MYH14: variants seen among roughly 807,000 people sequenced by gnomAD.
MYH14 encodes myosin heavy chain 14.
Under a neutral mutation model 255.5 loss-of-function variants are expected in MYH14, and 123 were observed. The ratio of observed to expected loss-of-function variants is 0.48; its 90% CI spans 0.42 to 0.56. The LOEUF is 0.56. MYH14 is among the 20% of genes least tolerant of loss of function. The pLI, the probability that MYH14 is intolerant of heterozygous loss-of-function variation, is 0.00. For missense variants in MYH14, 2,423 were observed against 2,802.3 expected, an observed-to-expected ratio of 0.86 and a Z score of 3.06; for synonymous variants, 1,095 against 1,161.2, an observed-to-expected ratio of 0.94 and a Z score of 1.16.
In MYH14 at chr19:50,272,079, A is replaced by G. The variant is rs926203051; in HGVS notation, c.3295+107A>G. ...AGTGGCTGTGTCTGCTAAATGGGAT[A>G]GGAAGGAAGGCTCAGGGCAGATTGA... On this transcript the variant is annotated intron_variant, in intron 26 of 42. Transcript: ENST00000642316. 4.9e-4 allele frequency: 709 copies of G among 1,461,292 alleles called. 3 individuals carry two copies. Among genetic ancestry groups the G allele is most frequent in the South Asian group, 4.4e-4 (35 of 79,380 alleles). The allele number at this position is 1,461,292 out of a possible 1,614,324, so 90.5% of individuals were successfully genotyped here.
In MYH14 at chr19:50,252,134, A is replaced by G. The variant is rs1419183295; in HGVS notation, c.1831-505A>G. Among the ~76,000 whole-genome samples, 1 of 152,178 alleles carries G rather than the reference A, an allele frequency of 6.6e-6. No individual in the cohort carries two copies. Among genetic ancestry groups the G allele is most frequent in the Non-Finnish European group, 1.5e-5 (1 of 68,024 alleles). ...CTCCCCCTGTACCCAGCCCTCTGCT[A>G]GGCCGTGAGTCAGACCTGGGCCCTG... On this transcript the variant is annotated intron_variant, in intron 15 of 42. Coordinates refer to ENST00000642316, the MANE Select transcript of MYH14 (RefSeq NM_001145809.2). The surrounding 1 kb of genome is among the most constrained non-coding windows in gnomAD (Gnocchi z 4.2).
At chr19:50,220,158 C>A (rs4801820) in intron 3 of MYH14, among the ~76,000 whole-genome samples, 76,442 of 151,954 alleles carry the variant, frequency 0.5, 22,008 homozygotes, top group Non-Finnish European at 0.64. Flanking sequence ...CCGTCCCGCA[C>A]CCCAGCCTCA....
At chr19:50,260,772 TGTGC>T in intron 20 of MYH14, 57 bp downstream of exon 20, 1 of 1,227,366 alleles carries the variant, frequency 8.1e-7, no homozygotes, top group Non-Finnish European at 1.2e-6. Flanking sequence ...CGTGCATGAG[TGTGC>T]GTGCATGTGT....
rs1002076652 is a variant in MYH14 at position 50,221,633 on chromosome 19, T to C, written c.563-1450T>C. Reference sequence around the variant, plus strand: ...CTGGGGATTATAGGTGGCGCCACCATGCCTGGCTAATTTTTGTATTTTTAG... The same window carrying C: ...CTGGGGATTATAGGTGGCGCCACCACGCCTGGCTAATTTTTGTATTTTTAG... On this transcript the variant is annotated intron_variant, in intron 3 of 42. Transcript: ENST00000642316. The surrounding 1 kb of genome is among the most constrained non-coding windows in gnomAD (Gnocchi z 5.3). Among the ~76,000 whole-genome samples the C allele has an allele frequency of 6.6e-6, 1 of 152,128 alleles. No individual in the cohort carries two copies. The highest frequency in any genetic ancestry group is 6.5e-5 in the Admixed American group (1 of 15,270).
intron 11 of MYH14, among the ~76,000 whole-genome samples, chr19:50,246,111 T>TCTTG (rs1555763862): frequency 4.7e-5 from 5 of 106,182 alleles, no homozygotes; most frequent in Non-Finnish European, 9.2e-5. Flanking sequence ...TCCCTTCCTT[T>TCTTG]CTTCCTTCCT....
Position 50,231,914 on chromosome 19 carries a change from C to G in MYH14, c.974-16C>G, listed in dbSNP as rs1210660703. ...CAGCCCACCTTTGACCTTGACCCCA[C>G]TCATTGTCCCTGCAGCCGACCTCCT... On this transcript the variant is annotated splice_polypyrimidine_tract_variant and intron_variant, in intron 9 of 42. Coordinates refer to ENST00000642316, the MANE Select transcript of MYH14 (RefSeq NM_001145809.2). 6.2e-7 allele frequency: 1 copy of G among 1,613,666 alleles called. No homozygotes were observed. The highest frequency in any genetic ancestry group is 1.1e-5 in the South Asian group (1 of 91,092).
At chr19:50,212,003 A>T (rs2032221270) in intron 2 of MYH14, among the ~76,000 whole-genome samples, 2 of 152,022 alleles carry the variant, frequency 1.3e-5, no homozygotes, top group South Asian at 4.2e-4. Context: ...AAACGAAACA[A>T]TACAAAAACC....
At chr19:50,257,681 A>G (rs148790968) in intron 18 of MYH14, among the ~76,000 whole-genome samples, 195 bp downstream of exon 18, 1 of 152,346 alleles carries the variant, frequency 6.6e-6, no homozygotes, top group Non-Finnish European at 1.5e-5. Flanking sequence ...TGTATTAAGC[A>G]TCTACTGTGC....
rs1161590127 is a variant in MYH14 at position 50,293,899 on chromosome 19, A to G, written c.5469+212A>G. Among the ~76,000 whole-genome samples, 1 of 152,172 alleles carries G rather than the reference A, an allele frequency of 6.6e-6. No individual in the cohort carries two copies. Among genetic ancestry groups the G allele is most frequent in the Non-Finnish European group, 1.5e-5 (1 of 68,022 alleles). On this transcript the variant is annotated intron_variant, in intron 39 of 42. Coordinates refer to ENST00000642316, the MANE Select transcript of MYH14 (RefSeq NM_001145809.2). This position sits in a 1 kb window ranked among gnomAD's most constrained non-coding sequence, Gnocchi z 4.1. ...AATCCAAAGATGAATTATGTGGGGA[A>G]ACAGACATGGGCCAGCAAGTGTGAT...
At chr19:50,308,963 C>T (rs772650421) in intron 41 of MYH14, 42 bp from the exon 42 acceptor site, 6 of 1,540,632 alleles carry the variant, frequency 3.9e-6, no homozygotes, top group East Asian at 2.4e-5. Context: ...GGAGTGATGA[C>T]AGTACCTGGA....
At chr19:50,244,459 G>T in intron 11 of MYH14, 122 bp downstream of exon 11, 2 of 703,998 alleles carry the variant, frequency 2.8e-6, no homozygotes, top group African/African-American at 1.8e-5. Flanking sequence ...CTCCAACCCA[G>T]GATCACTCTG....
chr19:50,277,131 CTT>C (rs929584618), intron 29 of MYH14, among the ~76,000 whole-genome samples: 8 of 152,174 alleles, frequency 5.3e-5, no homozygotes, highest in Non-Finnish European at 1.0e-4. Context: ...ACTGCCTTCC[CTT>C]GTGGAGCTTT....
chr19:50,223,380 G>T lies in MYH14; in HGVS notation c.693+31G>T, dbSNP rs1291287940. 10 of 1,436,724 alleles carry T rather than the reference G, an allele frequency of 7.0e-6. No homozygotes were observed. In the Admixed American group the frequency reaches 2.0e-4, roughly 28 times the overall value. The allele number at this position is 1,436,724 out of a possible 1,614,324, so 89.0% of individuals were successfully genotyped here. On this transcript the variant is annotated intron_variant, in intron 5 of 42. Transcript: ENST00000642316. ...CAACCCCGCCTTGGGTCACCCCCGGGCCCTGCCACAGCACTGCCCCTTCCA... is the reference window on the plus strand; with the variant it reads ...CAACCCCGCCTTGGGTCACCCCCGGTCCCTGCCACAGCACTGCCCCTTCCA...
At chr19:50,240,096 G>A (rs1430011373) in intron 10 of MYH14, among the ~76,000 whole-genome samples, 1 of 152,132 alleles carries the variant, frequency 6.6e-6, no homozygotes, top group Admixed American at 6.5e-5. Context: ...ATCACACGGT[G>A]TGCAGTTTCT....
chr19:50,236,817 C>T (rs10415779), intron 10 of MYH14, among the ~76,000 whole-genome samples: 105,908 of 152,106 alleles, frequency 0.7, 37,531 homozygotes, highest in Middle Eastern at 0.77. Flanking sequence ...ATTCACGTCA[C>T]ACCATTCACC....
chr19:50,266,761 A>G lies in MYH14; in HGVS notation c.2695-116A>G. 12 of 1,372,454 alleles carry G rather than the reference A, an allele frequency of 8.7e-6. No individual in the cohort carries two copies. Among genetic ancestry groups the G allele is most frequent in the Non-Finnish European group, 1.2e-5 (12 of 996,978 alleles). The allele number at this position is 1,372,454 out of a possible 1,614,324, so 85.0% of individuals were successfully genotyped here. A position where few individuals can be genotyped will look rare whatever the true frequency, so the allele number is the denominator to read the frequency against. ...ACCAGGGACTGTTGCCAAGGCGGGG[A>G]CACACAGCTAATAGGTGGAGGAGAA... On this transcript the variant is annotated intron_variant, in intron 22 of 42. Transcript: ENST00000642316. This position sits in a 1 kb window ranked among gnomAD's most constrained non-coding sequence, Gnocchi z 4.1.
intron 34 of MYH14, among the ~76,000 whole-genome samples, chr19:50,287,578 G>GT (rs1204982325): frequency 6.6e-6 from 1 of 151,636 alleles, no homozygotes; most frequent in Non-Finnish European, 1.5e-5. Flanking sequence ...ATACCTGGCT[G>GT]TTTTTTAAAT....
chr19:50,279,064 G>T (rs974405595), intron 30 of MYH14, among the ~76,000 whole-genome samples: 2 of 152,024 alleles, frequency 1.3e-5, no homozygotes, highest in African/African-American at 4.8e-5. Flanking sequence ...GAGTGGTATG[G>T]CCATCACCAT....
At chr19:50,220,154 C>T (rs910832303) in intron 3 of MYH14, among the ~76,000 whole-genome samples, 14 of 152,028 alleles carry the variant, frequency 9.2e-5, no homozygotes, top group African/African-American at 2.4e-4. Flanking sequence ...ATTTCCGTCC[C>T]GCACCCCAGC....
Sources: allele counts gnomAD v4.1 joint callset (sites outside exome capture counted in the v4.1 genomes callset), GRCh38; gene constraint gnomAD v4.1.1; non-coding constraint Gnocchi (gnomAD v3.1); transcripts MANE v1.5; gene names NCBI Gene and HGNC (gene_info 2026-07-23, HGNC 2026-07-21).